The following FAM184B variants were observed in gnomAD, a reference collection of about 807,000 sequenced individuals.
FAM184B encodes protein FAM184B.
FAM184B carries 111 observed loss-of-function variants against 135.9 expected under a neutral mutation model. The ratio of observed to expected loss-of-function variants is 0.82; its 90% CI spans 0.70 to 0.96. The LOEUF (loss-of-function observed/expected upper bound fraction) is 0.96. Among genes scored for constraint, FAM184B ranks in the 40% least tolerant of loss-of-function variants. FAM184B has a pLI of 0.00. For synonymous variants in FAM184B, 552 were observed against 524.8 expected (o/e 1.05, Z -0.71); for missense variants, 1,375 against 1,323.9 (o/e 1.04, Z -0.60).
chr4:17,765,167 T>C (rs976972596), intron 1 of FAM184B, among the ~76,000 whole-genome samples: 3 of 152,220 alleles, frequency 2.0e-5, no homozygotes, highest in Non-Finnish European at 4.4e-5. Context: ...GTGTAATAAA[T>C]GGCTTTTAAA....
At chr4:17,770,579 T>G (rs1718798591) in intron 1 of FAM184B, among the ~76,000 whole-genome samples, 1 of 152,128 alleles carries the variant, frequency 6.6e-6, no homozygotes, top group Non-Finnish European at 1.5e-5. Context: ...TTCTCCTGCC[T>G]CAGTCTCCCG....
chr4:17,672,963 A>G (rs1716212287), intron 7 of FAM184B, among the ~76,000 whole-genome samples: 1 of 151,956 alleles, frequency 6.6e-6, no homozygotes, highest in Admixed American at 6.6e-5. Flanking sequence ...GGTACCAATA[A>G]GGAACAGTCA....
At chr4:17,688,662 A>C in intron 6 of FAM184B, 131 bp from the exon 7 acceptor site, 3 of 420,034 alleles carry the variant, frequency 7.1e-6, no homozygotes, top group Non-Finnish European at 8.4e-6. Context: ...CAAATTCTAC[A>C]CACACTTCTA....
At chr4:17,671,469 G>T (rs566096814) in intron 7 of FAM184B, among the ~76,000 whole-genome samples, 1 of 152,066 alleles carries the variant, frequency 6.6e-6, no homozygotes, top group African/African-American at 2.4e-5. Context: ...GCTTCTTACT[G>T]GGAGGAAATG....
intron 11 of FAM184B, 85 bp from the exon 12 acceptor site, chr4:17,647,876 T>A (rs6813375): frequency 2.1e-6 from 3 of 1,395,572 alleles, no homozygotes; most frequent in South Asian, 2.8e-5. Flanking sequence ...TGGGGTGGGG[T>A]TGGATGACGT....
At chr4:17,659,000 T>A (rs1394217521) in intron 9 of FAM184B, among the ~76,000 whole-genome samples, 2 of 152,218 alleles carry the variant, frequency 1.3e-5, no homozygotes, top group Non-Finnish European at 2.9e-5. Context: ...TCCTGAGCCA[T>A]CATTACCTTA....
intron 7 of FAM184B, among the ~76,000 whole-genome samples, chr4:17,674,160 C>T (rs1716257860): frequency 6.6e-6 from 1 of 151,672 alleles, no homozygotes; most frequent in South Asian, 2.1e-4. Flanking sequence ...GTGTGCAAAT[C>T]ACTTTTAATT....
chr4:17,727,521 G>A (rs1717667967), intron 1 of FAM184B, among the ~76,000 whole-genome samples: 1 of 152,186 alleles, frequency 6.6e-6, no homozygotes, highest in African/African-American at 2.4e-5. Context: ...CCACATGGCT[G>A]GGGAGGCCTC....
At chr4:17,683,400 T>G (rs1716493523) in intron 7 of FAM184B, among the ~76,000 whole-genome samples, 1 of 152,164 alleles carries the variant, frequency 6.6e-6, no homozygotes, top group African/African-American at 2.4e-5. Context: ...CAGATAGGAA[T>G]TCATTTAGAC....
intron 13 of FAM184B, among the ~76,000 whole-genome samples, chr4:17,640,211 A>G (rs62295565): frequency 0.61 from 91,044 of 149,842 alleles, 28,101 homozygotes; most frequent in East Asian, 0.89. Flanking sequence ...GGTGGCTCAC[A>G]TCTGTAATCC....
chr4:17,647,619 A>T lies in FAM184B; in HGVS notation c.2346+18T>A. On this transcript the variant is annotated intron_variant, in intron 12 of 17. Transcript: ENST00000265018. Reference sequence around the variant, plus strand: ...GCTCTGGGAGGGGTATTGCTGGTGCAAGGGCGGGGGCACTGACCTCTGTGG... The same window carrying T: ...GCTCTGGGAGGGGTATTGCTGGTGCTAGGGCGGGGGCACTGACCTCTGTGG... 6.5e-7 allele frequency: 1 copy of T among 1,543,232 alleles called. No individual in the cohort carries two copies. Among genetic ancestry groups the T allele is most frequent in the East Asian group, 2.5e-5 (1 of 40,690 alleles).
At chr4:17,664,692 A>T in intron 7 of FAM184B, 33 bp from the exon 8 acceptor site, 1 of 1,502,786 alleles carries the variant, frequency 6.7e-7, no homozygotes, top group South Asian at 1.2e-5. Flanking sequence ...AAAAAAAAAA[A>T]AAGGCAAGAT....
At chr4:17,733,970 T>C (rs968838184) in intron 1 of FAM184B, among the ~76,000 whole-genome samples, 33 of 152,186 alleles carry the variant, frequency 2.2e-4, no homozygotes, top group Non-Finnish European at 1.2e-4. Context: ...ATGGTACTGG[T>C]ACCAAAACAG....
intron 1 of FAM184B, among the ~76,000 whole-genome samples, chr4:17,773,731 C>T (rs1162344096): frequency 1.3e-5 from 2 of 152,146 alleles, no homozygotes; most frequent in Admixed American, 6.5e-5. Context: ...GCATGCGCCA[C>T]CACACTTGGC....
intron 1 of FAM184B, among the ~76,000 whole-genome samples, chr4:17,734,626 A>G (rs552017973): frequency 0.032 from 4,779 of 151,632 alleles, 161 homozygotes; most frequent in African/African-American, 0.084. Context: ...CAAAACCACA[A>G]TGAGATACCA....
chr4:17,705,246 G>T, intron 4 of FAM184B, 40 bp from the exon 5 acceptor site: 1 of 1,455,994 alleles, frequency 6.9e-7, no homozygotes, highest in Non-Finnish European at 9.4e-7. Flanking sequence ...CACTGGGGAG[G>T]GGTGAGGAGC....
chr4:17,635,202 G>C (rs983087124), intron 15 of FAM184B, 89 bp from the exon 16 acceptor site: 2 of 1,004,596 alleles, frequency 2.0e-6, no homozygotes, highest in Admixed American at 4.5e-5. Flanking sequence ...GGGCAGAATA[G>C]AGAAGGAAAG....
intron 1 of FAM184B, among the ~76,000 whole-genome samples, chr4:17,740,012 C>T (rs960463236): frequency 3.3e-5 from 5 of 152,250 alleles, no homozygotes; most frequent in Non-Finnish European, 7.4e-5. Flanking sequence ...ACTTTTGCAT[C>T]TTCCGCACCT....
chr4:17,765,599 G>A (rs1476240900), intron 1 of FAM184B, among the ~76,000 whole-genome samples: 3 of 152,324 alleles, frequency 2.0e-5, no homozygotes, highest in South Asian at 2.1e-4. Flanking sequence ...TGGCCAGTCT[G>A]CCTTCAACCA....
Sources: allele counts gnomAD v4.1 joint callset (sites outside exome capture counted in the v4.1 genomes callset), GRCh38; gene constraint gnomAD v4.1.1; transcripts MANE v1.5; gene names NCBI Gene and HGNC (gene_info 2026-07-23, HGNC 2026-07-21).